CDH12: variants seen among roughly 807,000 people sequenced by gnomAD.
The protein encoded by CDH12 is cadherin-12.
Under a neutral mutation model 74.1 loss-of-function variants are expected in CDH12, and 41 were observed. The ratio of observed to expected loss-of-function variants is 0.55; its 90% CI spans 0.43 to 0.72. The LOEUF is 0.72. CDH12 is among the 30% of genes least tolerant of loss of function. The pLI, the probability that CDH12 is intolerant of heterozygous loss-of-function variation, is 0.00. For synonymous variants in CDH12, 399 were observed against 355.0 expected (o/e 1.12, Z -1.39); for missense variants, 945 against 977.2 (o/e 0.97, Z 0.44).
intron 2 of CDH12, among the ~76,000 whole-genome samples, chr5:22,461,609 C>T (rs930206677): frequency 6.6e-6 from 1 of 151,664 alleles, no homozygotes; most frequent in Non-Finnish European, 1.5e-5. Flanking sequence ...AATATGGTTG[C>T]CTTTGTAAAA....
intron 5 of CDH12, among the ~76,000 whole-genome samples, chr5:22,011,828 A>G (rs1426885080): frequency 1.3e-5 from 2 of 152,180 alleles, no homozygotes. Flanking sequence ...CTTATACATA[A>G]CTATCAAAAC....
chr5:22,358,817 C>T (rs1191898917), intron 3 of CDH12, among the ~76,000 whole-genome samples: 4 of 152,166 alleles, frequency 2.6e-5, no homozygotes, highest in Admixed American at 2.6e-4. Flanking sequence ...TGGTAGTTCA[C>T]ATTGATTGAT....
chr5:22,401,866 A>G (rs1267243220), intron 3 of CDH12, among the ~76,000 whole-genome samples: 2 of 152,190 alleles, frequency 1.3e-5, no homozygotes, highest in Non-Finnish European at 2.9e-5. Context: ...CATGTGGAGA[A>G]GGAAGAAGAG....
intron 6 of CDH12, among the ~76,000 whole-genome samples, chr5:21,945,254 G>C (rs547142754): frequency 6.6e-6 from 1 of 151,378 alleles, no homozygotes; most frequent in African/African-American, 2.4e-5. Context: ...GCGAAACCCC[G>C]CCTCTACTAA....
rs376111057 is a variant in CDH12, at chr5:21,990,908, A to G, written c.232-15523T>C. Among the ~76,000 whole-genome samples, 96 of 151,658 alleles carry G rather than the reference A, an allele frequency of 6.3e-4. 2 individuals carry two copies. In the South Asian group the frequency reaches 0.016, roughly 25 times the overall value. On this transcript the variant is annotated intron_variant, in intron 5 of 14. Coordinates refer to ENST00000382254, the MANE Select transcript of CDH12 (RefSeq NM_004061.5). ...ATTTAAACTGAATCATCTCACTTTT[A>G]ATTTGATAATACAATGCCATTAACA...
intron 1 of CDH12, among the ~76,000 whole-genome samples, chr5:22,665,165 A>G (rs1439659709): frequency 6.6e-6 from 1 of 152,184 alleles, no homozygotes; most frequent in Non-Finnish European, 1.5e-5. Flanking sequence ...ACTATGGACA[A>G]TAGTATAGAA....
chr5:21,868,332 G>A (rs569448508), intron 6 of CDH12, among the ~76,000 whole-genome samples: 1 of 152,264 alleles, frequency 6.6e-6, no homozygotes, highest in African/African-American at 2.4e-5. Context: ...CCATGTCAGA[G>A]AGTCCCCAAC....
chr5:22,061,663 C>T (rs1404912568), intron 5 of CDH12, among the ~76,000 whole-genome samples: 5 of 152,056 alleles, frequency 3.3e-5, no homozygotes, highest in African/African-American at 9.7e-5. Context: ...ACAATATTAG[C>T]CCACAGAGAG....
chr5:22,829,841 T>G (rs1381017456), intron 1 of CDH12, among the ~76,000 whole-genome samples: 1 of 152,194 alleles, frequency 6.6e-6, no homozygotes, highest in Non-Finnish European at 1.5e-5. Flanking sequence ...TAGACACACC[T>G]GAGCATGAGA....
chr5:22,098,213 G>A (rs1384113040), intron 4 of CDH12, among the ~76,000 whole-genome samples: 1 of 152,112 alleles, frequency 6.6e-6, no homozygotes, highest in Non-Finnish European at 1.5e-5. Context: ...AGTCTTCAAA[G>A]ACAGCCCCCA....
intron 1 of CDH12, among the ~76,000 whole-genome samples, chr5:22,837,593 T>C (rs1432204303): frequency 6.6e-6 from 1 of 152,150 alleles, no homozygotes; most frequent in Non-Finnish European, 1.5e-5. Flanking sequence ...AAATATGTTA[T>C]TATGAAGAGA....
intron 4 of CDH12, among the ~76,000 whole-genome samples, chr5:22,131,743 T>A (rs1212928334): frequency 6.6e-6 from 1 of 152,148 alleles, no homozygotes; most frequent in Non-Finnish European, 1.5e-5. Flanking sequence ...TATCCAGACC[T>A]AAGGAAGGAT....
At chr5:22,737,209 A>T (rs1744773338) in intron 1 of CDH12, among the ~76,000 whole-genome samples, 1 of 151,894 alleles carries the variant, frequency 6.6e-6, no homozygotes, top group African/African-American at 2.4e-5. Context: ...CTATATCTTT[A>T]ATCTGAATAT....
intron 2 of CDH12, among the ~76,000 whole-genome samples, chr5:22,468,539 T>C (rs1745826870): frequency 6.6e-6 from 1 of 152,136 alleles, no homozygotes. Context: ...GATATACCAG[T>C]CCCCTTCTTG....
intron 1 of CDH12, among the ~76,000 whole-genome samples, chr5:22,571,514 C>T (rs923919531): frequency 9.2e-5 from 14 of 152,032 alleles, no homozygotes; most frequent in African/African-American, 2.2e-4. Flanking sequence ...TTGGTAGATA[C>T]GGGGGTTTCT....
At chr5:22,577,054 T>C (rs1378239933) in intron 1 of CDH12, among the ~76,000 whole-genome samples, 3 of 152,186 alleles carry the variant, frequency 2.0e-5, no homozygotes, top group Admixed American at 2.0e-4. Flanking sequence ...ATGGAACATT[T>C]GTCCATCTTT....
intron 6 of CDH12, among the ~76,000 whole-genome samples, chr5:21,932,956 T>G (rs1754910309): frequency 6.6e-6 from 1 of 150,800 alleles, no homozygotes; most frequent in Non-Finnish European, 1.5e-5. Flanking sequence ...AACTCTCACT[T>G]TCTTTATCAT....
chr5:22,201,755 T>C (rs1339958785), intron 4 of CDH12, among the ~76,000 whole-genome samples: 1 of 152,086 alleles, frequency 6.6e-6, no homozygotes, highest in African/African-American at 2.4e-5. Context: ...ATGGGGGTAA[T>C]AGGGCAAGCT....
Position 22,198,879 on chromosome 5 carries a change from T to TTTTATTTATTTATTTA in CDH12, c.-187+13603_-187+13618dup, listed in dbSNP as rs57356477. ...GTTTAACAAACCCGACATTTTTTAT[T>TTTTATTTATTTATTTA]TTTATTTATTTATTTATTTATTTAG... On this transcript the variant is annotated intron_variant, in intron 4 of 14. Coordinates refer to ENST00000382254, the MANE Select transcript of CDH12 (RefSeq NM_004061.5). Among the ~76,000 whole-genome samples, 660 of 150,408 alleles carry TTTTATTTATTTATTTA rather than the reference T, an allele frequency of 4.4e-3. 2 individuals are homozygous for TTTTATTTATTTATTTA. The highest frequency in any genetic ancestry group is 7.7e-3 in the Non-Finnish European group (518 of 67,486).
Sources: allele counts gnomAD v4.1 joint callset (sites outside exome capture counted in the v4.1 genomes callset), GRCh38; gene constraint gnomAD v4.1.1; transcripts MANE v1.5; gene names NCBI Gene and HGNC (gene_info 2026-07-23, HGNC 2026-07-21).